Variants in NKX1-1 observed in about 807,000 individuals in gnomAD.
The protein encoded by NKX1-1 is NK1 homeobox 1.
NKX1-1 carries 7 observed loss-of-function variants against 1.7 expected under a neutral mutation model. The ratio of observed to expected loss-of-function variants is 4.22; its 90% confidence interval spans 2.40 to 7.92. NKX1-1 has a LOEUF of 7.92. NKX1-1 is among the 30% of genes most tolerant of loss of function. The probability of loss-of-function intolerance (pLI) is 0.00; values close to 1 mark genes in which losing one functional copy is unlikely to be tolerated. For missense variants in NKX1-1, 453 were observed against 171.5 expected, an observed-to-expected ratio of 2.64 and a Z score of -9.17; for synonymous variants, 242 against 85.3, an observed-to-expected ratio of 2.84 and a Z score of -10.13.
At chr4:1,405,341 A>C (rs1306409242) in intron 1 of NKX1-1, among the ~76,000 whole-genome samples, 1 of 152,182 alleles carries the variant, frequency 6.6e-6, no homozygotes, top group Non-Finnish European at 1.5e-5. Context: ...TAATCGAGTA[A>C]TTATCCGAAT....
Position 1,406,051 on chromosome 4 carries a change from C to A in NKX1-1, c.392G>T (p.Arg131Leu), listed in dbSNP as rs1720745327. 2.0e-6 allele frequency: 1 copy of A among 491,460 alleles called. No homozygotes were observed. Among genetic ancestry groups the A allele is most frequent in the Non-Finnish European group, 3.5e-6 (1 of 284,712 alleles). 30.4% of individuals were successfully genotyped at this position (491,460 alleles called of 1,614,324 possible). A position where few individuals can be genotyped will look rare whatever the true frequency, so the allele number is the denominator to read the frequency against. ...GGCGCGGCGCTCCAGCTCCTCCGCG[C>A]GTGGCGGGCGTCCCGAGGCGGCGGG... ...PAPAASGRPP[R>L]AEELERRALA... Residue 131 changes from arginine (R) to leucine (L), a missense_variant, in exon 1 of 2, where the codon CGC (arginine) becomes CTC (leucine). By Grantham distance (102) the Arg-to-Leu change is moderately radical (BLOSUM62 -2). Coordinates refer to ENST00000422806, the MANE Select transcript of NKX1-1 (RefSeq NM_001290079.1).
chr4:1,406,200 G>A lies in NKX1-1; in HGVS notation c.243C>T (p.Ser81=). The A allele has an allele frequency of 1.7e-6, 1 of 585,804 alleles. No individual in the cohort carries two copies. Among genetic ancestry groups the A allele is most frequent in the Non-Finnish European group, 3.0e-6 (1 of 328,022 alleles). 36.3% of individuals were successfully genotyped at this position (585,804 alleles called of 1,614,324 possible). The change falls in exon 1 of 2, where the codon TCC becomes TCT. Residue 81 remains serine, a synonymous_variant. Coordinates refer to ENST00000422806, the MANE Select transcript of NKX1-1 (RefSeq NM_001290079.1). ...ARPAAPLRPT[S]FSVLDILDPN... ...GGTCCAGGATGTCCAGTACCGAGAA[G>A]GAGGTGGGGCGCAGGGGCGCTGCGG... is the stretch of plus-strand genomic sequence containing the variant.
Position 1,406,304 on chromosome 4 carries a change from A to T in NKX1-1, c.139T>A (p.Phe47Ile), listed in dbSNP as rs1720750218. ...AGCGGCGGGGCTCCAGCGCGGGGAA[A>T]GGCCGGCAGCTCGGCGCGCCCGTCC... ...AMDGRAELPA[F>I]PRAGAPPLAA... Residue 47 changes from phenylalanine (F) to isoleucine (I), a missense_variant, in exon 1 of 2, where the codon TTT (phenylalanine) becomes ATT (isoleucine). By Grantham distance (21) the Phe-to-Ile change is conservative. Transcript: ENST00000422806. The T allele has an allele frequency of 2.5e-6, 1 of 399,512 alleles. No individual in the cohort carries two copies. Among genetic ancestry groups the T allele is most frequent in the Non-Finnish European group, 4.4e-6 (1 of 228,770 alleles). The allele number at this position is 399,512 out of a possible 1,614,324, so 24.7% of individuals were successfully genotyped here.
chr4:1,403,168 C>G lies in NKX1-1; in HGVS notation c.1111G>C (p.Gly371Arg). ...SAPTGGGGGP[G>R]PGAGPGTGLP... is the part of the protein sequence containing the mutation. ...CCCGTGCCAGGCCCGGCCCCCGGTC[C>G]CGGTCCGCCCCCGCCGCCGGTCGGA... Residue 371 changes from glycine to arginine, a missense_variant, in exon 2 of 2, where the codon GGA becomes CGA. By Grantham distance (125) the Gly-to-Arg change is moderately radical (BLOSUM62 -2). Coordinates refer to ENST00000422806, the MANE Select transcript of NKX1-1 (RefSeq NM_001290079.1). 1.6e-6 allele frequency: 1 copy of G among 616,742 alleles called. No homozygotes were observed. The highest frequency in any genetic ancestry group is 3.0e-6 in the Non-Finnish European group (1 of 338,944). 38.2% of individuals were successfully genotyped at this position (616,742 alleles called of 1,614,324 possible). A position where few individuals can be genotyped will look rare whatever the true frequency, so the allele number is the denominator to read the frequency against.
In NKX1-1 at chr4:1,403,391, C is replaced by A. The variant is rs1396450498; in HGVS notation, c.888G>T (p.Pro296=). 4.4e-6 allele frequency: 3 copies of A among 682,554 alleles called. No individual in the cohort carries two copies. Among genetic ancestry groups the A allele is most frequent in the Admixed American group, 4.6e-5 (2 of 43,624 alleles). The allele number at this position is 682,554 out of a possible 1,614,324, so 42.3% of individuals were successfully genotyped here. A position where few individuals can be genotyped will look rare whatever the true frequency, so the allele number is the denominator to read the frequency against. ...AGGTGAAGGCGGTGCGCGCTCGCCG[C>A]GGCTTCCCGGACTTGGAGTCGGACC... is the stretch of plus-strand genomic sequence containing the variant. The part of the protein sequence containing the change: ...RTGSDSKSGK[P]RRARTAFTYE... Residue 296 remains proline, a synonymous_variant, in exon 2 of 2, where the codon CCG becomes CCT. Transcript: ENST00000422806.
intron 1 of NKX1-1, among the ~76,000 whole-genome samples, chr4:1,405,019 G>A (rs1008036479): frequency 6.2e-4 from 95 of 152,308 alleles, no homozygotes; most frequent in African/African-American, 2.1e-3. Context: ...CCGGCCTTCC[G>A]CCCCATAGAC....
Position 1,405,871 on chromosome 4 carries a change from G to A in NKX1-1, c.463+109C>T, listed in dbSNP as rs1720740543. On this transcript the variant is annotated intron_variant, in intron 1 of 1. Transcript: ENST00000422806. ...CGGCGCTCAGCGAACTTTCCACGGA[G>A]CCTCGGCGTGGGCCAGACCCAACTC... 1.0e-5 allele frequency: 4 copies of A among 397,222 alleles called. No homozygotes were observed. The East Asian group carries it at 1.1e-4, about 11-fold the overall frequency. The allele number at this position is 397,222 out of a possible 1,614,324, so 24.6% of individuals were successfully genotyped here. A position where few individuals can be genotyped will look rare whatever the true frequency, so the allele number is the denominator to read the frequency against.
At position 1,403,020 on chromosome 4, in the gene NKX1-1, G is replaced by C. The variant is rs1720679078; in HGVS notation, c.1259C>G (p.Pro420Arg). 1 of 627,720 alleles carries C rather than the reference G, an allele frequency of 1.6e-6. No homozygotes were observed. Among genetic ancestry groups the C allele is most frequent in the Non-Finnish European group, 2.8e-6 (1 of 353,272 alleles). The allele number at this position is 627,720 out of a possible 1,614,324, so 38.9% of individuals were successfully genotyped here. ...PGGLVCAAQLPFLSSPAVLSP... is the reference protein window; with the variant it reads ...PGGLVCAAQLRFLSSPAVLSP... ...GAGCACCGCCGGGCTCGACAGGAAC[G>C]GCAGCTGCGCGGCGCACACCAGGCC... The change falls in exon 2 of 2, where the codon CCG becomes CGG. Residue 420 changes from proline (P) to arginine (R), a missense_variant. By Grantham distance (103) the Pro-to-Arg change is moderately radical. Coordinates refer to ENST00000422806, the MANE Select transcript of NKX1-1 (RefSeq NM_001290079.1).
In NKX1-1 at chr4:1,406,012, C is replaced by T; in HGVS notation, c.431G>A (p.Gly144Glu). 1 of 476,908 alleles carries T rather than the reference C, an allele frequency of 2.1e-6. No individual in the cohort carries two copies. The highest frequency in any genetic ancestry group is 2.0e-5 in the African/African-American group (1 of 49,178). 29.5% of individuals were successfully genotyped at this position (476,908 alleles called of 1,614,324 possible). The part of the protein sequence containing the change: ...ELERRALAGA[G>E]GVGAAGAEPP... Reference sequence around the variant, plus strand: ...CTCAGCTCCGGCGGCTCCGACTCCCCCGGCGCCGGCGAGGGCGCGGCGCTC... The same window carrying T: ...CTCAGCTCCGGCGGCTCCGACTCCCTCGGCGCCGGCGAGGGCGCGGCGCTC... The change falls in exon 1 of 2, where the codon GGG (glycine) becomes GAG (glutamate). Residue 144 changes from glycine (G) to glutamate (E), a missense_variant. Gly to Glu is a moderately conservative substitution (Grantham distance 98). Transcript: ENST00000422806.
Position 1,406,170 on chromosome 4 carries a change from G to C in NKX1-1, c.273C>G (p.Asn91Lys). 2 of 620,466 alleles carry C rather than the reference G, an allele frequency of 3.2e-6. No homozygotes were observed. Among genetic ancestry groups the C allele is most frequent in the South Asian group, 1.7e-5 (1 of 59,698 alleles). The allele number at this position is 620,466 out of a possible 1,614,324, so 38.4% of individuals were successfully genotyped here. A position where few individuals can be genotyped will look rare whatever the true frequency, so the allele number is the denominator to read the frequency against. The change falls in exon 1 of 2, where the codon AAC becomes AAG. Residue 91 changes from asparagine to lysine, a missense_variant. Asn to Lys is a moderately conservative substitution (Grantham distance 94, BLOSUM62 0). Transcript: ENST00000422806. ...SFSVLDILDP[N>K]KFNSRRRRCV... ...AACGACGCCTCCTGCTGTTGAACTT[G>C]TTGGGGTCCAGGATGTCCAGTACCG...
rs764551476 is a variant in NKX1-1, at chr4:1,403,416, C to T, written c.863G>A (p.Gly288Glu). 18 of 655,766 alleles carry T rather than the reference C, an allele frequency of 2.7e-5. No individual in the cohort carries two copies. The highest frequency in any genetic ancestry group is 5.0e-4 in the Middle Eastern group (2 of 3,986). The allele number at this position is 655,766 out of a possible 1,614,324, so 40.6% of individuals were successfully genotyped here. Residue 288 changes from glycine to glutamate, a missense_variant, in exon 2 of 2, where the codon GGG becomes GAG. Coordinates refer to ENST00000422806, the MANE Select transcript of NKX1-1 (RefSeq NM_001290079.1). ...CGGCTTCCCGGACTTGGAGTCGGAC[C>T]CCGTGCGCTTCCGCTTGGGCTTCGC... ...TAAKPKRKRT[G>E]SDSKSGKPRR...
At chr4:1,405,307 G>GC (rs1347794435) in intron 1 of NKX1-1, among the ~76,000 whole-genome samples, 1 of 152,228 alleles carries the variant, frequency 6.6e-6, no homozygotes, top group Non-Finnish European at 1.5e-5. Flanking sequence ...ATCAATAGCG[G>GC]CCCCTAATAA....
At chr4:1,404,488 G>A (rs991136672) in intron 1 of NKX1-1, among the ~76,000 whole-genome samples, 7 of 152,214 alleles carry the variant, frequency 4.6e-5, no homozygotes, top group African/African-American at 9.6e-5. Context: ...CAGAGTTGCC[G>A]CGGGTAGGGC....
chr4:1,405,320 G>A (rs1720730512), intron 1 of NKX1-1, among the ~76,000 whole-genome samples: 1 of 152,174 alleles, frequency 6.6e-6, no homozygotes, highest in Non-Finnish European at 1.5e-5. Context: ...CCTAATAAGT[G>A]TAATAGGTTT....
intron 1 of NKX1-1, among the ~76,000 whole-genome samples, chr4:1,405,145 G>T (rs772231242): frequency 3.9e-5 from 6 of 152,280 alleles, no homozygotes; most frequent in Admixed American, 2.0e-4. Flanking sequence ...CCGCGCAGGT[G>T]CGGCCCGCAG....
chr4:1,405,935 C>T (rs1174778336), intron 1 of NKX1-1, 45 bp downstream of exon 1: 8 of 442,098 alleles, frequency 1.8e-5, no homozygotes, highest in South Asian at 5.5e-5. Context: ...TAGAAGCCTC[C>T]GGTCCCCCGT....
Position 1,403,315 on chromosome 4 carries a change from A to G in NKX1-1, c.964T>C (p.Ser322Pro). 1.4e-6 allele frequency: 1 copy of G among 715,934 alleles called. No homozygotes were observed. Among genetic ancestry groups the G allele is most frequent in the East Asian group, 2.9e-5 (1 of 34,132 alleles). 44.3% of individuals were successfully genotyped at this position (715,934 alleles called of 1,614,324 possible). Residue 322 changes from serine to proline, a missense_variant, in exon 2 of 2, where the codon TCG becomes CCG. Coordinates refer to ENST00000422806, the MANE Select transcript of NKX1-1 (RefSeq NM_001290079.1). ...GCCAGGTTGAGGCGCTCGCACACCG[A>G]CAGGTAGCGCGTGGCCTTGAACTTG... ...ENKFKATRYL[S>P]VCERLNLALS... is the part of the protein sequence containing the mutation.
Position 1,403,058 on chromosome 4 carries a change from C to A in NKX1-1, c.1221G>T (p.Ala407=), listed in dbSNP as rs1486410966. 7 of 513,504 alleles carry A rather than the reference C, an allele frequency of 1.4e-5. No individual in the cohort carries two copies. The highest frequency in any genetic ancestry group is 1.7e-5 in the Non-Finnish European group (5 of 292,172). 31.8% of individuals were successfully genotyped at this position (513,504 alleles called of 1,614,324 possible). ...CGCACACCAGGCCTCCGGGGCCGTG[C>A]GCCGGGTACCCGGCCGGGCCGTGCA... The part of the protein sequence containing the change: ...LGMHGPAGYP[A]HGPGGLVCAA... The change falls in exon 2 of 2, where the codon GCG becomes GCT. Residue 407 remains alanine (A), a synonymous_variant. Transcript: ENST00000422806.
Position 1,402,995 on chromosome 4 carries a change from G to C in NKX1-1, c.1284C>G (p.Leu428=). 1 of 652,562 alleles carries C rather than the reference G, an allele frequency of 1.5e-6. No homozygotes were observed. The highest frequency in any genetic ancestry group is 2.7e-6 in the Non-Finnish European group (1 of 364,096). The allele number at this position is 652,562 out of a possible 1,614,324, so 40.4% of individuals were successfully genotyped here. A position where few individuals can be genotyped will look rare whatever the true frequency, so the allele number is the denominator to read the frequency against. ...QLPFLSSPAV[L]SPFVLGSQTY... ...TCTGCGAGCCCAGCACGAAGGGCGA[G>C]AGCACCGCCGGGCTCGACAGGAACG... The change falls in exon 2 of 2, where the codon CTC becomes CTG. Residue 428 remains leucine (L), a synonymous_variant. Coordinates refer to ENST00000422806, the MANE Select transcript of NKX1-1 (RefSeq NM_001290079.1).
Sources: gnomAD v4.1 joint callset for allele counts (sites outside exome capture counted in the v4.1 genomes callset) on GRCh38, gnomAD v4.1.1 for gene constraint, MANE v1.5 for transcripts, NCBI Gene and HGNC (gene_info 2026-07-23, HGNC 2026-07-21) for gene names.